TRIM24: variants seen among roughly 807,000 people sequenced by gnomAD.
TRIM24 encodes the protein tripartite motif containing 24.
In TRIM24, 29 loss-of-function variants were observed where a neutral mutation model predicts 123.9. That is an observed-to-expected ratio of 0.23 (90% CI 0.17 to 0.32). TRIM24 has a LOEUF of 0.32. TRIM24 is among the 10% of genes least tolerant of loss of function. TRIM24 has a pLI of 1.00. For synonymous variants in TRIM24, 456 were observed against 461.1 expected, an observed-to-expected ratio of 0.99 and a Z score of 0.14; for missense variants, 932 against 1,295.3, an observed-to-expected ratio of 0.72 and a Z score of 4.31.
chr7:138,550,019 G>A (rs1797178148), intron 7 of TRIM24, among the ~76,000 whole-genome samples: 1 of 152,164 alleles, frequency 6.6e-6, no homozygotes, highest in Non-Finnish European at 1.5e-5. Flanking sequence ...GATTAAGAAT[G>A]GGGGAGGAAA....
Position 138,588,153 on chromosome 7 carries a change from T to G in TRIM24, c.*3202T>G, listed in dbSNP as rs188493991. Reference sequence around the variant, plus strand: ...AAAAAAGGGGGAGTATACAGCTGATTGTTGCATTTATGAAACTGCATTTCA... The same window carrying G: ...AAAAAAGGGGGAGTATACAGCTGATGGTTGCATTTATGAAACTGCATTTCA... On this transcript the variant is annotated 3_prime_UTR_variant, in exon 19 of 19. Coordinates refer to ENST00000343526, the MANE Select transcript of TRIM24 (RefSeq NM_015905.3). 1.5e-4 allele frequency: 23 copies of G among 152,310 alleles called. No individual in the cohort carries two copies. Among genetic ancestry groups the G allele is most frequent in the African/African-American group, 4.8e-4 (20 of 41,566 alleles). 9.4% of individuals were successfully genotyped at this position (152,310 alleles called of 1,614,324 possible).
chr7:138,529,634 G>A (rs963520402), intron 6 of TRIM24, among the ~76,000 whole-genome samples: 31 of 152,182 alleles, frequency 2.0e-4, no homozygotes, highest in African/African-American at 7.5e-4. Context: ...TGAGAAGTTA[G>A]GTAAAAGAAT....
Position 138,587,287 on chromosome 7 carries a change from A to T in TRIM24, c.*2336A>T, listed in dbSNP as rs1405276804. Reference sequence around the variant, plus strand: ...AGAATCACTTGAACGCAGGAGGCAGAAGTTGCAGTGAGCCAAGATCTCACC... The same window carrying T: ...AGAATCACTTGAACGCAGGAGGCAGTAGTTGCAGTGAGCCAAGATCTCACC... On this transcript the variant is annotated 3_prime_UTR_variant, in exon 19 of 19. Coordinates refer to ENST00000343526, the MANE Select transcript of TRIM24 (RefSeq NM_015905.3). 1.3e-5 allele frequency: 2 copies of T among 152,238 alleles called. No homozygotes were observed. Among genetic ancestry groups the T allele is most frequent in the Non-Finnish European group, 2.9e-5 (2 of 68,064 alleles). The allele number at this position is 152,238 out of a possible 1,614,324, so 9.4% of individuals were successfully genotyped here. A position where few individuals can be genotyped will look rare whatever the true frequency, so the allele number is the denominator to read the frequency against.
At chr7:138,551,649 G>A (rs554475012) in intron 8 of TRIM24, among the ~76,000 whole-genome samples, 1 of 152,198 alleles carries the variant, frequency 6.6e-6, no homozygotes, top group East Asian at 1.9e-4. Flanking sequence ...CTAGACTTAG[G>A]GATTTAGGTG....
intron 2 of TRIM24, among the ~76,000 whole-genome samples, chr7:138,513,741 C>T (rs1796337190): frequency 1.3e-5 from 2 of 152,194 alleles, no homozygotes; most frequent in Non-Finnish European, 2.9e-5. Flanking sequence ...CAGATCCAAA[C>T]CATATTACCA....
chr7:138,487,002 C>G (rs1795662174), intron 1 of TRIM24, among the ~76,000 whole-genome samples: 8 of 152,146 alleles, frequency 5.3e-5, no homozygotes, highest in Admixed American at 5.2e-4. Context: ...TTTGTGTCCT[C>G]TTTTATTTTG....
intron 1 of TRIM24, among the ~76,000 whole-genome samples, chr7:138,494,086 A>T (rs756018861): frequency 1.3e-5 from 2 of 151,934 alleles, no homozygotes; most frequent in Non-Finnish European, 2.9e-5. Flanking sequence ...GGTTCAAGTG[A>T]TTATCTCGCC....
rs751082860 is a variant in TRIM24 at position 138,580,616 on chromosome 7, T to C, written c.2640T>C (p.Tyr880=). 3 of 1,613,954 alleles carry C rather than the reference T, an allele frequency of 1.9e-6. No individual in the cohort carries two copies. The highest frequency in any genetic ancestry group is 2.5e-6 in the Non-Finnish European group (3 of 1,179,902). The change falls in exon 16 of 19, where the codon TAT becomes TAC. Residue 880 remains tyrosine (Y), a synonymous_variant. Coordinates refer to ENST00000343526, the MANE Select transcript of TRIM24 (RefSeq NM_015905.3). ...ACTTATCTAAACCAGAAGTTGAATA[T>C]GATTGTGATGCTCCCAGTCACAACT... The part of the protein sequence containing the change: ...CRDLSKPEVE[Y]DCDAPSHNSE...
chr7:138,541,178 T>G (rs562436128), intron 7 of TRIM24, among the ~76,000 whole-genome samples: 1 of 152,258 alleles, frequency 6.6e-6, no homozygotes, highest in South Asian at 2.1e-4. Flanking sequence ...TAAATAATAC[T>G]TGAGGCCATG....
chr7:138,516,899 A>G (rs984329881), intron 3 of TRIM24, among the ~76,000 whole-genome samples: 1 of 147,892 alleles, frequency 6.8e-6, no homozygotes, highest in African/African-American at 2.5e-5. Context: ...GCCTGAGCCC[A>G]GGAGTTCTAG....
intron 7 of TRIM24, among the ~76,000 whole-genome samples, chr7:138,546,211 C>T (rs1157483678): frequency 6.6e-6 from 1 of 152,130 alleles, no homozygotes; most frequent in Non-Finnish European, 1.5e-5. Flanking sequence ...TTTCCTGGCA[C>T]GTCATCATTT....
chr7:138,584,593 C>A, intron 18 of TRIM24, 149 bp from the exon 19 acceptor site: 1 of 554,890 alleles, frequency 1.8e-6, no homozygotes, highest in Non-Finnish European at 3.0e-6. Flanking sequence ...TTTATTTTAG[C>A]TGGCCTTCTG....
chr7:138,575,275 T>C (rs1797732593), intron 12 of TRIM24, among the ~76,000 whole-genome samples: 2 of 152,272 alleles, frequency 1.3e-5, no homozygotes, highest in Non-Finnish European at 1.5e-5. Flanking sequence ...GCATGTATTC[T>C]TATATTATCA....
chr7:138,519,301 G>A lies in TRIM24; in HGVS notation c.744G>A (p.Leu248=), dbSNP rs1796459936. ...CDKLTCRDCQ[L]LEHKEHRYQF... ...AACTGACATGTCGAGACTGTCAGTT[G>A]TTAGAACATAAAGAGCATAGGTACC... The change falls in exon 4 of 19, where the codon TTG becomes TTA. Residue 248 remains leucine (L), a synonymous_variant. Coordinates refer to ENST00000343526, the MANE Select transcript of TRIM24 (RefSeq NM_015905.3). The A allele has an allele frequency of 6.2e-7, 1 of 1,612,214 alleles. No individual in the cohort carries two copies. The highest frequency in any genetic ancestry group is 8.5e-7 in the Non-Finnish European group (1 of 1,179,352).
chr7:138,561,035 C>G (rs1797416664), intron 9 of TRIM24, among the ~76,000 whole-genome samples: 1 of 152,148 alleles, frequency 6.6e-6, no homozygotes, highest in South Asian at 2.1e-4. Flanking sequence ...TTGCCCCCAG[C>G]AGTTAAGGGT....
At position 138,565,415 on chromosome 7, in the gene TRIM24, A is replaced by G. The variant is rs1797515854; in HGVS notation, c.1531-2066A>G. ...CAATCCTGTAGTGCACTGTTCCTGG[A>G]ATCATCCTGTTCCTGCTTAGGTTCC... On this transcript the variant is annotated intron_variant, in intron 9 of 18. Coordinates refer to ENST00000343526, the MANE Select transcript of TRIM24 (RefSeq NM_015905.3). Among the ~76,000 whole-genome samples the G allele has an allele frequency of 2.1e-5, 3 of 143,444 alleles. No individual in the cohort carries two copies. In the Admixed American group the frequency reaches 2.2e-4, roughly 11 times the overall value. 94.1% of individuals were successfully genotyped at this position (143,444 alleles called of 152,430 possible).
chr7:138,539,874 C>G (rs1247444971), intron 7 of TRIM24, among the ~76,000 whole-genome samples: 4 of 149,362 alleles, frequency 2.7e-5, no homozygotes, highest in Admixed American at 1.3e-4. Flanking sequence ...GATCTCCACT[C>G]ACTGCAAGCT....
intron 2 of TRIM24, among the ~76,000 whole-genome samples, chr7:138,512,348 G>A (rs1462100953): frequency 6.6e-6 from 1 of 152,184 alleles, no homozygotes; most frequent in Non-Finnish European, 1.5e-5. Flanking sequence ...ACTTGGGAGG[G>A]CCCCAGTGGT....
intron 4 of TRIM24, among the ~76,000 whole-genome samples, chr7:138,521,587 G>C (rs1328560474): frequency 6.6e-6 from 1 of 151,992 alleles, no homozygotes. Flanking sequence ...TTGGTAAGTT[G>C]GTAGATCTAC....
Sources: allele counts gnomAD v4.1 joint callset (sites outside exome capture counted in the v4.1 genomes callset), GRCh38; gene constraint gnomAD v4.1.1; transcripts MANE v1.5; gene names NCBI Gene and HGNC (gene_info 2026-07-23, HGNC 2026-07-21).